SLC1A2: variants seen among roughly 807,000 people sequenced by gnomAD.
The protein encoded by SLC1A2 is excitatory amino acid transporter 2.
Under a neutral mutation model 48.8 loss-of-function variants are expected in SLC1A2, and 15 were observed. The ratio of observed to expected loss-of-function variants is 0.31; its 90% confidence interval spans 0.21 to 0.47. SLC1A2 has a LOEUF of 0.47. Ranked by LOEUF, SLC1A2 falls within the 20% of genes least tolerant of loss-of-function variation. The pLI, the probability that SLC1A2 is intolerant of heterozygous loss-of-function variation, is 0.99. For missense variants in SLC1A2, 502 were observed against 730.5 expected, an observed-to-expected ratio of 0.69 and a Z score of 3.61; for synonymous variants, 279 against 272.6, an observed-to-expected ratio of 1.02 and a Z score of -0.23.
At chr11:35,292,185 T>G in intron 7 of SLC1A2, 102 bp downstream of exon 7, 1 of 806,146 alleles carries the variant, frequency 1.2e-6, no homozygotes, top group Non-Finnish European at 2.1e-6. Context: ...GTGTGCCAAG[T>G]GTTCTTATTG....
At chr11:35,360,913 T>C (rs181556960) in intron 1 of SLC1A2, among the ~76,000 whole-genome samples, 1 of 152,254 alleles carries the variant, frequency 6.6e-6, no homozygotes, top group Non-Finnish European at 1.5e-5. Context: ...TCTCATTCTG[T>C]TGCCCACGCT....
At chr11:35,301,705 T>A in intron 5 of SLC1A2, 60 bp from the exon 6 acceptor site, 1 of 1,538,336 alleles carries the variant, frequency 6.5e-7, no homozygotes, top group Non-Finnish European at 8.9e-7. Flanking sequence ...TTTTTCTCCC[T>A]CATTCTTTAC....
At chr11:35,320,293 A>G (rs12275544) in intron 1 of SLC1A2, among the ~76,000 whole-genome samples, 4,591 of 152,316 alleles carry the variant, frequency 0.03, 209 homozygotes, top group African/African-American at 0.1. Context: ...ATCAGACACT[A>G]TACTCAGTAA....
At position 35,292,362 on chromosome 11, in the gene SLC1A2, A is replaced by G. The variant is rs1456955466; in HGVS notation, c.1016T>C (p.Val339Ala). ...GIFLPLIYFV[V>A]TRKNPFSFFA... ...AAAGGAGAAGGGGTTTTTCCTGGTCACTACAAAGTAAATCAAGGGGAGAAA... is the reference window on the plus strand; with the variant it reads ...AAAGGAGAAGGGGTTTTTCCTGGTCGCTACAAAGTAAATCAAGGGGAGAAA... The change falls in exon 7 of 11, where the codon GTG becomes GCG. Residue 339 changes from valine to alanine, a missense_variant. Physicochemically the swap from Val to Ala is moderately conservative, Grantham distance 64. This residue lies in a region of SLC1A2 where 309 missense variants were observed against 480.3 expected (regional missense o/e 0.64). Transcript: ENST00000278379. The G allele has an allele frequency of 6.2e-7, 1 of 1,614,068 alleles. No homozygotes were observed. The highest frequency in any genetic ancestry group is 1.1e-5 in the South Asian group (1 of 91,082).
intron 1 of SLC1A2, among the ~76,000 whole-genome samples, chr11:35,373,154 T>C (rs965659052): frequency 1.3e-5 from 2 of 152,178 alleles, no homozygotes; most frequent in African/African-American, 2.4e-5. Flanking sequence ...CTCTCAGAGA[T>C]GGTGACTTGA....
intron 9 of SLC1A2, among the ~76,000 whole-genome samples, chr11:35,279,455 C>A (rs957943151): frequency 6.6e-6 from 1 of 152,244 alleles, no homozygotes; most frequent in African/African-American, 2.4e-5. Flanking sequence ...GTCTTGCTCA[C>A]CTTTCACCAC....
At chr11:35,369,792 T>C (rs561066362) in intron 1 of SLC1A2, among the ~76,000 whole-genome samples, 1 of 152,338 alleles carries the variant, frequency 6.6e-6, no homozygotes, top group South Asian at 2.1e-4. Context: ...ACAAGGTGTA[T>C]GTATTCAGGC....
In SLC1A2 at chr11:35,419,035, G is replaced by C. The variant is rs1301339608; in HGVS notation, c.-69C>G. The C allele has an allele frequency of 1.4e-6, 2 of 1,444,934 alleles. No individual in the cohort carries two copies. Among genetic ancestry groups the C allele is most frequent in the African/African-American group, 1.4e-5 (1 of 69,760 alleles). 89.5% of individuals were successfully genotyped at this position (1,444,934 alleles called of 1,614,324 possible). ...GTGGGCGAGGGAGAAAGCGGACGCC[G>C]GGGTGAGCGCGAAGTGCGGCCGGGA... On this transcript the variant is annotated 5_prime_UTR_variant, in exon 1 of 11. Transcript: ENST00000278379. The surrounding 1 kb of genome is among the most constrained non-coding windows in gnomAD (Gnocchi z 5.4).
At chr11:35,277,354 C>A (rs1260753870) in intron 9 of SLC1A2, among the ~76,000 whole-genome samples, 1 of 152,168 alleles carries the variant, frequency 6.6e-6, no homozygotes, top group African/African-American at 2.4e-5. Flanking sequence ...CTCTGCTGTG[C>A]ATCAGGCAAA....
At chr11:35,372,447 G>A (rs1239838046) in intron 1 of SLC1A2, among the ~76,000 whole-genome samples, 1 of 152,122 alleles carries the variant, frequency 6.6e-6, no homozygotes, top group Non-Finnish European at 1.5e-5. Context: ...TGTTATTTTA[G>A]TATCTCTCAA....
At chr11:35,418,765 T>TA in intron 1 of SLC1A2, 185 bp downstream of exon 1, 1 of 597,574 alleles carries the variant, frequency 1.7e-6, no homozygotes, top group Non-Finnish European at 3.0e-6. Context: ...TTCAAAGGAT[T>TA]AAGCAGCAAT....
chr11:35,415,472 T>C (rs1025193182), intron 1 of SLC1A2, among the ~76,000 whole-genome samples: 2 of 152,166 alleles, frequency 1.3e-5, no homozygotes, highest in Admixed American at 6.5e-5. Flanking sequence ...AAATGAAAAT[T>C]CCAGCCAAGC....
chr11:35,313,218 C>T (rs1851762135), intron 3 of SLC1A2, among the ~76,000 whole-genome samples: 1 of 152,168 alleles, frequency 6.6e-6, no homozygotes, highest in Admixed American at 6.5e-5. Context: ...CTGTGCCACA[C>T]TCAAAATGTC....
In SLC1A2 at chr11:35,280,977, G is replaced by T; in HGVS notation, c.1311C>A (p.Val437=). ...CGGCACTGGGGATACTGGCCGCGCC[G>T]ACGCTTGCCAGGGTGGCTGTGAGGC... ...TVSLTATLAS[V]GAASIPSAGL... The change falls in exon 9 of 11, where the codon GTC becomes GTA. Residue 437 remains valine (V), a synonymous_variant. Coordinates refer to ENST00000278379, the MANE Select transcript of SLC1A2 (RefSeq NM_004171.4). 6.2e-7 allele frequency: 1 copy of T among 1,610,538 alleles called. No individual in the cohort carries two copies. The highest frequency in any genetic ancestry group is 8.5e-7 in the Non-Finnish European group (1 of 1,178,566).
At chr11:35,390,188 C>T (rs1423402458) in intron 1 of SLC1A2, among the ~76,000 whole-genome samples, 3 of 152,180 alleles carry the variant, frequency 2.0e-5, no homozygotes, top group Non-Finnish European at 4.4e-5. Flanking sequence ...TTGACTTTAG[C>T]ACGTACAGTA....
At chr11:35,310,001 G>T (rs1446972484) in intron 4 of SLC1A2, among the ~76,000 whole-genome samples, 1 of 152,208 alleles carries the variant, frequency 6.6e-6, no homozygotes, top group Non-Finnish European at 1.5e-5. Context: ...ATTCCAGAAT[G>T]GCAGAGAGCA....
At chr11:35,350,344 G>A (rs1853204608) in intron 1 of SLC1A2, among the ~76,000 whole-genome samples, 1 of 152,164 alleles carries the variant, frequency 6.6e-6, no homozygotes, top group African/African-American at 2.4e-5. Context: ...AGAAGATGGT[G>A]TCAAAATTTA....
chr11:35,362,878 A>G (rs150870869), intron 1 of SLC1A2, among the ~76,000 whole-genome samples: 1 of 152,322 alleles, frequency 6.6e-6, no homozygotes, highest in East Asian at 1.9e-4. Context: ...TTATCACTTT[A>G]GGACAATGAT....
intron 10 of SLC1A2, among the ~76,000 whole-genome samples, chr11:35,261,282 T>G (rs547869637): frequency 1.3e-5 from 2 of 152,328 alleles, no homozygotes; most frequent in Admixed American, 1.3e-4. Flanking sequence ...ACACAGTCCT[T>G]AAAATACAGT....
Sources: gnomAD v4.1 joint callset for allele counts (sites outside exome capture counted in the v4.1 genomes callset) on GRCh38, gnomAD v4.1.1 for gene constraint, gnomAD v4.1.1 regional missense constraint, Gnocchi (gnomAD v3.1) non-coding constraint, MANE v1.5 for transcripts, NCBI Gene and HGNC (gene_info 2026-07-23, HGNC 2026-07-21) for gene names.